The following VPS13D variants were observed in gnomAD, a reference collection of about 807,000 sequenced individuals.
VPS13D encodes the protein intermembrane lipid transfer protein VPS13D.
Under a neutral mutation model 461.9 loss-of-function variants are expected in VPS13D, and 187 were observed. The observed-to-expected ratio is 0.40, with a 90% confidence interval of 0.36 to 0.46. VPS13D has a LOEUF of 0.46. Ranked by LOEUF, VPS13D falls within the 20% of genes least tolerant of loss-of-function variation. The probability of loss-of-function intolerance (pLI) is 0.60; values close to 1 mark genes in which losing one functional copy is unlikely to be tolerated. For missense variants in VPS13D, 4,711 were observed against 5,364.9 expected, an observed-to-expected ratio of 0.88 and a Z score of 3.81; for synonymous variants, 1,951 against 1,986.3, an observed-to-expected ratio of 0.98 and a Z score of 0.47.
intron 17 of VPS13D, among the ~76,000 whole-genome samples, chr1:12,272,019 T>C (rs1269709639): frequency 1.3e-5 from 2 of 152,014 alleles, no homozygotes; most frequent in African/African-American, 4.8e-5. Flanking sequence ...TAGTGAGACC[T>C]TGTCTCTACA....
chr1:12,322,776 T>C (rs1217195910), intron 34 of VPS13D, 30 bp downstream of exon 34: 2 of 1,599,348 alleles, frequency 1.3e-6, no homozygotes, highest in African/African-American at 1.3e-5. Flanking sequence ...ACCCACTCAG[T>C]CTTGCTAATA....
At chr1:12,499,937 T>G in intron 68 of VPS13D, 2 of 985,438 alleles carry the variant, frequency 2.0e-6, no homozygotes, top group Non-Finnish European at 2.4e-6. Context: ...ATTAAAAACA[T>G]GTTTAAAGAC....
chr1:12,436,729 C>A (rs980022578), intron 65 of VPS13D, among the ~76,000 whole-genome samples: 2 of 152,218 alleles, frequency 1.3e-5, no homozygotes, highest in East Asian at 3.9e-4. Flanking sequence ...AGTGCAATGG[C>A]GTGATCTCGG....
At chr1:12,490,371 C>A (rs577300992) in intron 67 of VPS13D, among the ~76,000 whole-genome samples, 1 of 152,316 alleles carries the variant, frequency 6.6e-6, no homozygotes, top group East Asian at 1.9e-4. Context: ...AGGTGTATTT[C>A]TCTTTCTCTT....
chr1:12,239,264 G>A (rs1569633610), intron 2 of VPS13D, among the ~76,000 whole-genome samples: 2 of 152,256 alleles, frequency 1.3e-5, no homozygotes, highest in South Asian at 4.1e-4. Flanking sequence ...AGCCTCCTGA[G>A]TAGCTGGGAC....
intron 65 of VPS13D, among the ~76,000 whole-genome samples, chr1:12,450,524 T>C (rs925359533): frequency 3.3e-5 from 5 of 152,166 alleles, no homozygotes; most frequent in Non-Finnish European, 5.9e-5. Context: ...AAACTGTACT[T>C]CAGATTTTGA....
intron 10 of VPS13D, among the ~76,000 whole-genome samples, chr1:12,259,042 C>CTTT (rs201506361): frequency 6.7e-6 from 1 of 150,308 alleles, no homozygotes; most frequent in African/African-American, 2.4e-5. Context: ...TTTTCTTCTT[C>CTTT]TTCTTTTTTT....
At chr1:12,304,882 G>T (rs1642519743) in intron 26 of VPS13D, among the ~76,000 whole-genome samples, 154 bp downstream of exon 26, 2 of 152,202 alleles carry the variant, frequency 1.3e-5, no homozygotes, top group South Asian at 4.1e-4. Flanking sequence ...GCTTTACAAG[G>T]TTTAAGAGTT....
In VPS13D at chr1:12,276,422, C is replaced by T; in HGVS notation, c.2834C>T (p.Thr945Ile). The change falls in exon 19 of 70, where the codon ACC (threonine) becomes ATC (isoleucine). Residue 945 changes from threonine (T) to isoleucine (I), a missense_variant. Coordinates refer to ENST00000620676, the MANE Select transcript of VPS13D (RefSeq NM_015378.4). This position sits in a 1 kb window ranked among gnomAD's most constrained non-coding sequence, Gnocchi z 4.5. ...AGCATTGTGTTGTTGGAGCAGCATA[C>T]CCGCGAGGTTCTGGTGGAGTCGCAG... ...TQSIVLLEQH[T>I]REVLVESQLL... The T allele has an allele frequency of 6.2e-7, 1 of 1,614,182 alleles. No homozygotes were observed. The highest frequency in any genetic ancestry group is 1.1e-5 in the South Asian group (1 of 91,078).
At position 12,276,789 on chromosome 1, in the gene VPS13D, A is replaced by G; in HGVS notation, c.3201A>G (p.Ser1067=). Residue 1067 remains serine, a synonymous_variant, in exon 19 of 70, where the codon TCA becomes TCG. Coordinates refer to ENST00000620676, the MANE Select transcript of VPS13D (RefSeq NM_015378.4). This position sits in a 1 kb window ranked among gnomAD's most constrained non-coding sequence, Gnocchi z 4.5. ...ACGACCGATCAGCTACTAGTGTTTC[A>G]CTTGACAAAATTCTTACCAAAGAGC... ...TLNDRSATSV[S]LDKILTKEQE... 1 of 1,614,042 alleles carries G rather than the reference A, an allele frequency of 6.2e-7. No homozygotes were observed.
chr1:12,385,511 T>G (rs1010922737), intron 59 of VPS13D, 138 bp downstream of exon 59: 10 of 682,162 alleles, frequency 1.5e-5, no homozygotes, highest in Non-Finnish European at 2.4e-5. Flanking sequence ...TGTTTACTGT[T>G]TATCAGTGAA....
chr1:12,285,159 C>T (rs1291860764), intron 21 of VPS13D, among the ~76,000 whole-genome samples: 1 of 152,108 alleles, frequency 6.6e-6, no homozygotes, highest in African/African-American at 2.4e-5. Context: ...TGAAAAAATT[C>T]AGATACATCA....
At position 12,476,934 on chromosome 1, in the gene VPS13D, C is replaced by G. The variant is rs539373917; in HGVS notation, c.12662+16538C>G. Among the ~76,000 whole-genome samples the G allele has an allele frequency of 3.2e-4, 49 of 152,330 alleles. 2 individuals are homozygous for G. The South Asian group carries it at 5.8e-3, about 18-fold the overall frequency. On this transcript the variant is annotated intron_variant, in intron 67 of 69. Coordinates refer to ENST00000620676, the MANE Select transcript of VPS13D (RefSeq NM_015378.4). ...TATTTACAGTTTCTGTTCAGAAATA[C>G]ATAGCTTAACTTCGAAGGAGGAAGC...
intron 18 of VPS13D, 30 bp downstream of exon 18, chr1:12,273,165 C>T (rs1238750758): frequency 6.2e-7 from 1 of 1,607,312 alleles, no homozygotes; most frequent in South Asian, 1.1e-5. Context: ...TAATGAAAAC[C>T]TGCCTTGGTA....
At chr1:12,455,964 T>C in intron 65 of VPS13D, 34 bp from the exon 66 acceptor site, 1 of 1,575,198 alleles carries the variant, frequency 6.3e-7, no homozygotes, top group South Asian at 1.2e-5. Flanking sequence ...TGCCAAGACT[T>C]TAAAACTCTT....
At position 12,277,119 on chromosome 1, in the gene VPS13D, T is replaced by G. The variant is rs752802949; in HGVS notation, c.3531T>G (p.Leu1177=). 3.1e-6 allele frequency: 5 copies of G among 1,614,086 alleles called. No individual in the cohort carries two copies. In the African/African-American group the frequency reaches 4.0e-5, roughly 13 times the overall value. ...AAATCCATAGGCTGAACTTACTGCT[T>G]CTTCGGACAGTGGGCATGGCAAATA... The part of the protein sequence containing the change: ...AVEIHRLNLL[L]LRTVGMANRE... Residue 1177 remains leucine, a synonymous_variant, in exon 19 of 70, where the codon CTT becomes CTG. Transcript: ENST00000620676.
At chr1:12,449,335 G>A (rs1171306848) in intron 65 of VPS13D, among the ~76,000 whole-genome samples, 1 of 151,158 alleles carries the variant, frequency 6.6e-6, no homozygotes, top group Non-Finnish European at 1.5e-5. Context: ...TCTTCTAGTG[G>A]ATAGAAATCT....
intron 67 of VPS13D, among the ~76,000 whole-genome samples, chr1:12,463,208 A>G (rs1645435174): frequency 6.6e-6 from 1 of 152,184 alleles, no homozygotes; most frequent in African/African-American, 2.4e-5. Context: ...AAGGAGGGGG[A>G]TTAGCTTCCA....
chr1:12,329,074 C>A (rs978243594), intron 36 of VPS13D, among the ~76,000 whole-genome samples: 2 of 152,152 alleles, frequency 1.3e-5, no homozygotes, highest in African/African-American at 4.8e-5. Context: ...TGATGAATAT[C>A]TTTTCTGCAG....
Sources: gnomAD v4.1 joint callset for allele counts (sites outside exome capture counted in the v4.1 genomes callset) on GRCh38, gnomAD v4.1.1 for gene constraint, Gnocchi (gnomAD v3.1) non-coding constraint, MANE v1.5 for transcripts, NCBI Gene and HGNC (gene_info 2026-07-23, HGNC 2026-07-21) for gene names.